The following SFI1 variants were observed in gnomAD, a reference collection of about 807,000 sequenced individuals.
SFI1 encodes the protein SFI1 centrin binding protein, also known as protein SFI1 homolog.
A neutral mutation model predicts 207.5 loss-of-function variants in SFI1; 195 were observed. That is an observed-to-expected ratio of 0.94 (90% CI 0.84 to 1.06). SFI1 has a LOEUF of 1.06. SFI1 is among the 50% of genes least tolerant of loss of function. The pLI is 0.00. For missense variants in SFI1, 1,634 were observed against 1,588.0 expected (o/e 1.03, Z -0.49); for synonymous variants, 630 against 598.9 (o/e 1.05, Z -0.76).
chr22:31,528,918 T>G, intron 3 of SFI1, 55 bp downstream of exon 3: 2 of 1,517,024 alleles, frequency 1.3e-6, no homozygotes, highest in African/African-American at 2.8e-5. Context: ...TTCTCCTTTC[T>G]TGGTTAAAAT....
intron 5 of SFI1, among the ~76,000 whole-genome samples, chr22:31,548,499 C>A (rs913853537): frequency 6.6e-6 from 1 of 150,768 alleles, no homozygotes; most frequent in Non-Finnish European, 1.5e-5. Context: ...AAAAATTAGC[C>A]GGGCATGGCG....
rs773341942 is a variant in SFI1, at chr22:31,615,104, T to G, written c.3125T>G (p.Leu1042Arg). ...ATGGCTCAGCCAGCAGCCCCCTCCC[T>G]GACGCGGCCCTTCCTGGCAGAGGCC... ...LGMAQPAAPSLTRPFLAEAPT... is the reference protein window; with the variant it reads ...LGMAQPAAPSRTRPFLAEAPT... The change falls in exon 29 of 33, where the codon CTG becomes CGG. Residue 1042 changes from leucine to arginine, a missense_variant. By Grantham distance (102) the Leu-to-Arg change is moderately radical. Coordinates refer to ENST00000400288, the MANE Select transcript of SFI1 (RefSeq NM_001007467.3). 27 of 1,606,072 alleles carry G rather than the reference T, an allele frequency of 1.7e-5. No homozygotes were observed. The highest frequency in any genetic ancestry group is 2.2e-5 in the Non-Finnish European group (26 of 1,176,508).
chr22:31,546,055 C>G (rs1207105105), intron 4 of SFI1, among the ~76,000 whole-genome samples: 1 of 151,540 alleles, frequency 6.6e-6, no homozygotes, highest in Non-Finnish European at 1.5e-5. Context: ...CCCGCTATGC[C>G]TGGCTAATTT....
chr22:31,578,258 G>T, intron 10 of SFI1, 124 bp from the exon 11 acceptor site: 1 of 792,552 alleles, frequency 1.3e-6, no homozygotes. Flanking sequence ...GACAGAGGTG[G>T]ACCTCAGCCC....
At chr22:31,541,583 G>A (rs1019015348) in intron 4 of SFI1, among the ~76,000 whole-genome samples, 4 of 151,446 alleles carry the variant, frequency 2.6e-5, no homozygotes, top group East Asian at 3.9e-4. Context: ...GTGAAACCCC[G>A]TTTGTACTAA....
intron 3 of SFI1, chr22:31,530,740 G>T: frequency 2.4e-6 from 1 of 411,300 alleles, no homozygotes; most frequent in Non-Finnish European, 4.9e-6. Context: ...GGCATTTGCC[G>T]GCCATTTTAG....
intron 4 of SFI1, chr22:31,538,429 T>A (rs1462723518): frequency 6.5e-6 from 1 of 152,688 alleles, no homozygotes; most frequent in African/African-American, 2.4e-5. Flanking sequence ...CCTAGCAGCC[T>A]TCATGAGATT....
At chr22:31,535,074 C>T (rs906179689) in intron 4 of SFI1, among the ~76,000 whole-genome samples, 1 of 151,946 alleles carries the variant, frequency 6.6e-6, no homozygotes, top group Non-Finnish European at 1.5e-5. Context: ...ACCTTGTTGG[C>T]CAGGCTAGTC....
intron 27 of SFI1, 168 bp downstream of exon 27, chr22:31,614,023 C>G (rs551052898): frequency 5.8e-6 from 5 of 869,412 alleles, no homozygotes; most frequent in Non-Finnish European, 8.3e-6. Flanking sequence ...ATCCCTCCCA[C>G]GGCAAGAGGG....
chr22:31,526,597 A>G (rs1357062161), intron 2 of SFI1, among the ~76,000 whole-genome samples: 5 of 152,148 alleles, frequency 3.3e-5, no homozygotes. Context: ...CAAGAGTGTC[A>G]CTTTGTCGCC....
chr22:31,573,389 C>T (rs2063145677), intron 9 of SFI1, among the ~76,000 whole-genome samples, 175 bp downstream of exon 9: 1 of 151,274 alleles, frequency 6.6e-6, no homozygotes, highest in African/African-American at 2.4e-5. Context: ...TCTCTTTGGG[C>T]TTTTATTTAT....
intron 14 of SFI1, among the ~76,000 whole-genome samples, chr22:31,586,975 T>C (rs2065102401): frequency 6.6e-6 from 1 of 152,232 alleles, no homozygotes; most frequent in Non-Finnish European, 1.5e-5. Flanking sequence ...ACATCAGATC[T>C]TTCTATTCTT....
intron 15 of SFI1, among the ~76,000 whole-genome samples, chr22:31,600,694 T>C (rs1461715825): frequency 6.6e-6 from 1 of 152,220 alleles, no homozygotes; most frequent in Non-Finnish European, 1.5e-5. Flanking sequence ...CTGCTTAGCC[T>C]CCCTTCCCCT....
rs35047625 is a variant in SFI1, at chr22:31,604,944, C to T, written c.2053C>T (p.Arg685Cys). 7.9e-3 allele frequency: 12,654 copies of T among 1,603,900 alleles called. 470 individuals carry two copies. In the Admixed American group the frequency reaches 0.096, roughly 12 times the overall value. The change falls in exon 20 of 33, where the codon CGC becomes TGC. Residue 685 changes from arginine to cysteine, a missense_variant and splice_region_variant. By Grantham distance (180) the Arg-to-Cys change is radical. Transcript: ENST00000400288. ...GAGCCAGCACAACAGGCAGCTGCTG[C>T]GGTGAGTCTCCCGGGCGCCTCCCAA... ...RESQHNRQLL[R>C]GALRRWKENT...
chr22:31,594,442 G>C (rs1190721907), intron 15 of SFI1, among the ~76,000 whole-genome samples: 2 of 151,736 alleles, frequency 1.3e-5, no homozygotes, highest in Non-Finnish European at 2.9e-5. Flanking sequence ...CAGCTACTCG[G>C]GAGGCTGAGG....
chr22:31,573,765 G>C (rs1366622219), intron 9 of SFI1, among the ~76,000 whole-genome samples: 1 of 152,046 alleles, frequency 6.6e-6, no homozygotes, highest in African/African-American at 2.4e-5. Context: ...ATCTAAATAG[G>C]GTTTTCATTT....
intron 22 of SFI1, among the ~76,000 whole-genome samples, chr22:31,610,274 C>CG (rs1247761961): frequency 1.3e-5 from 2 of 152,178 alleles, no homozygotes; most frequent in African/African-American, 4.8e-5. Context: ...TGACCTCCAG[C>CG]AGGCCCCCTC....
chr22:31,545,580 A>AT (rs1380851236), intron 4 of SFI1, among the ~76,000 whole-genome samples: 8,372 of 149,804 alleles, frequency 0.056, 696 homozygotes, highest in African/African-American at 0.18. Context: ...ATTTAATTTA[A>AT]TTTAATTTTA....
At position 31,617,076 on chromosome 22, in the gene SFI1, C is replaced by A. The variant is rs2147492196; in HGVS notation, c.3510C>A (p.Leu1170=). The change falls in exon 31 of 33, where the codon CTC becomes CTA. Residue 1170 remains leucine (L), a splice_region_variant and synonymous_variant. Transcript: ENST00000400288. ...LLHYQTTKQN[L]WSCRRQASSL... ...ACTACCAGACCACCAAGCAGAACCT[C>A]TGGTGAGCCCTGCGAAACGCCCTGC... 1 of 1,613,962 alleles carries A rather than the reference C, an allele frequency of 6.2e-7. No individual in the cohort carries two copies. Among genetic ancestry groups the A allele is most frequent in the Non-Finnish European group, 8.5e-7 (1 of 1,180,000 alleles).
Sources: allele counts gnomAD v4.1 joint callset (sites outside exome capture counted in the v4.1 genomes callset), GRCh38; gene constraint gnomAD v4.1.1; transcripts MANE v1.5; gene names NCBI Gene and HGNC (gene_info 2026-07-23, HGNC 2026-07-21).